Variants in DNAJC16 observed in about 807,000 individuals in gnomAD.
DNAJC16 encodes the protein DnaJ heat shock protein family (Hsp40) member C16, also known as dnaJ homolog subfamily C member 16.
Under a neutral mutation model 92.7 loss-of-function variants are expected in DNAJC16, and 76 were observed. That is an observed-to-expected ratio of 0.82 (90% CI 0.68 to 0.99). The LOEUF is 0.99. Among genes scored for constraint, DNAJC16 ranks in the 50% least tolerant of loss-of-function variants. The pLI, the probability that DNAJC16 is intolerant of heterozygous loss-of-function variation, is 0.00. For missense variants in DNAJC16, 869 were observed against 942.4 expected (o/e 0.92, Z 1.02); for synonymous variants, 328 against 358.7 (o/e 0.91, Z 0.97).
intron 8 of DNAJC16, 74 bp from the exon 9 acceptor site, chr1:15,562,067 AC>A: frequency 2.0e-6 from 3 of 1,466,140 alleles, no homozygotes; most frequent in Non-Finnish European, 2.8e-6. Flanking sequence ...CGTCTTCTTC[AC>A]CTTCACTTGC....
At chr1:15,562,394 T>C (rs754789801) in intron 9 of DNAJC16, 69 bp downstream of exon 9, 116 of 1,454,752 alleles carry the variant, frequency 8.0e-5, no homozygotes, top group Non-Finnish European at 8.7e-5. Context: ...TGTTTCCTTC[T>C]TCCTTGAGAG....
chr1:15,539,898 C>T (rs1470562819), intron 4 of DNAJC16, among the ~76,000 whole-genome samples: 5 of 151,606 alleles, frequency 3.3e-5, no homozygotes, highest in African/African-American at 1.2e-4. Flanking sequence ...CGTGGTGGTG[C>T]GTGCCTGTAA....
At chr1:15,535,275 G>A (rs561829711) in intron 3 of DNAJC16, among the ~76,000 whole-genome samples, 3 of 152,188 alleles carry the variant, frequency 2.0e-5, no homozygotes, top group African/African-American at 4.8e-5. Context: ...TTGAGCCCTG[G>A]TGATCAACAT....
intron 6 of DNAJC16, 36 bp from the exon 7 acceptor site, chr1:15,548,234 A>G (rs778813226): frequency 3.6e-5 from 57 of 1,604,030 alleles, no homozygotes; most frequent in Non-Finnish European, 4.4e-5. Context: ...TCTTTGCTGT[A>G]GTTTTATTTT....
intron 7 of DNAJC16, among the ~76,000 whole-genome samples, chr1:15,552,228 C>T (rs1352892491): frequency 2.6e-5 from 4 of 151,488 alleles, no homozygotes; most frequent in African/African-American, 9.7e-5. Flanking sequence ...TGACTCAAGC[C>T]TGTAATCCCA....
In DNAJC16 at chr1:15,567,964, G is replaced by A; in HGVS notation, c.2136G>A (p.Lys712=). 6.2e-7 allele frequency: 1 copy of A among 1,614,186 alleles called. No homozygotes were observed. The highest frequency in any genetic ancestry group is 8.5e-7 in the Non-Finnish European group (1 of 1,180,038). Residue 712 remains lysine, a synonymous_variant, in exon 15 of 15, where the codon AAG becomes AAA. Transcript: ENST00000375847. The part of the protein sequence containing the change: ...NGHKKYFCLF[K]PQKTVEEEEA... The stretch of plus-strand genomic sequence containing the variant: ...ACAAGAAATACTTCTGCCTCTTCAA[G>A]CCCCAAAAGACAGTCGAAGAGGAGG...
chr1:15,563,683 A>T lies in DNAJC16; in HGVS notation c.1339-246A>T, dbSNP rs1455402605. ...TCTACTAAAAAAAAAAAAAAAAAAA[A>T]AAAAAAATACCAAAAATTAGCCAGG... On this transcript the variant is annotated intron_variant, in intron 9 of 14. Transcript: ENST00000375847. 1.4e-3 allele frequency among the ~76,000 whole-genome samples: 205 copies of T among 149,052 alleles called. 6 individuals are homozygous for T. The highest frequency in any genetic ancestry group is 5.1e-3 in the African/African-American group (202 of 39,988).
intron 2 of DNAJC16, among the ~76,000 whole-genome samples, chr1:15,532,140 C>G (rs1008179010): frequency 3.9e-5 from 6 of 152,160 alleles, no homozygotes; most frequent in African/African-American, 1.4e-4. Flanking sequence ...TCCTCCCACC[C>G]AAAGAATGGC....
chr1:15,536,868 C>A, intron 4 of DNAJC16, 54 bp downstream of exon 4: 2 of 1,397,514 alleles, frequency 1.4e-6, no homozygotes, highest in South Asian at 1.4e-5. Context: ...TTTTTTTTTT[C>A]AAGATGGAGT....
chr1:15,530,809 T>C (rs993666703), intron 2 of DNAJC16, among the ~76,000 whole-genome samples: 2 of 152,216 alleles, frequency 1.3e-5, no homozygotes, highest in Non-Finnish European at 2.9e-5. Context: ...TGACTCAGCC[T>C]CCCAAGTAGC....
intron 4 of DNAJC16, among the ~76,000 whole-genome samples, chr1:15,538,623 A>G (rs1349578461): frequency 6.6e-6 from 1 of 152,198 alleles, no homozygotes; most frequent in Non-Finnish European, 1.5e-5. Flanking sequence ...AGGCTGAGGC[A>G]GGAGAATCAC....
chr1:15,550,476 T>C (rs1313827537), intron 7 of DNAJC16, among the ~76,000 whole-genome samples: 2 of 152,208 alleles, frequency 1.3e-5, no homozygotes. Flanking sequence ...TCTAGGTAAT[T>C]TGTTGTCATT....
chr1:15,562,058 GTCT>G (rs1197501146), intron 8 of DNAJC16, 81 bp from the exon 9 acceptor site: 7 of 1,397,204 alleles, frequency 5.0e-6, no homozygotes, highest in Non-Finnish European at 6.8e-6. Flanking sequence ...TGAGCTCCTC[GTCT>G]TCTTCACCTT....
In DNAJC16 at chr1:15,570,170, T is replaced by C. The variant is rs1638917411; in HGVS notation, c.*1993T>C. 1.3e-5 allele frequency: 2 copies of C among 152,450 alleles called. No homozygotes were observed. 9.4% of individuals were successfully genotyped at this position (152,450 alleles called of 1,614,324 possible). ...CACTTCCTCTGAATGCTGTATCTCA[T>C]GGCACCTGGTCCAACTAGAAATGGT... is the stretch of plus-strand genomic sequence containing the variant. On this transcript the variant is annotated 3_prime_UTR_variant, in exon 15 of 15. Transcript: ENST00000375847.
intron 4 of DNAJC16, among the ~76,000 whole-genome samples, chr1:15,538,556 A>G (rs1009887074): frequency 1.3e-5 from 2 of 151,960 alleles, no homozygotes; most frequent in Admixed American, 1.3e-4. Context: ...TGTCTCTAGT[A>G]AAAATACAAA....
chr1:15,567,996 T>C lies in DNAJC16; in HGVS notation c.2168T>C (p.Ile723Thr), dbSNP rs754484749. The change falls in exon 15 of 15, where the codon ATA (isoleucine) becomes ACA (threonine). Residue 723 changes from isoleucine to threonine, a missense_variant. Physicochemically the swap from Ile to Thr is moderately conservative, Grantham distance 89. Coordinates refer to ENST00000375847, the MANE Select transcript of DNAJC16 (RefSeq NM_015291.4). ...PQKTVEEEEAIGSCSDVDSSL... is the reference protein window; with the variant it reads ...PQKTVEEEEATGSCSDVDSSL... ...AAGACAGTCGAAGAGGAGGAAGCCA[T>C]AGGGTCGTGCAGTGATGTTGACTCT... 1.2e-6 allele frequency: 2 copies of C among 1,614,178 alleles called. No homozygotes were observed. The highest frequency in any genetic ancestry group is 2.2e-5 in the South Asian group (2 of 91,084).
chr1:15,526,856 C>G lies in DNAJC16; in HGVS notation c.-121C>G, dbSNP rs778845866. On this transcript the variant is annotated 5_prime_UTR_variant, in exon 1 of 15. Coordinates refer to ENST00000375847, the MANE Select transcript of DNAJC16 (RefSeq NM_015291.4). ...CTCGGGCTTGTCCCCTCCTCTTTCCCCTCCCCAGGCCCAGGCGAGCGCTGG... is the reference window on the plus strand; with the variant it reads ...CTCGGGCTTGTCCCCTCCTCTTTCCGCTCCCCAGGCCCAGGCGAGCGCTGG... The G allele has an allele frequency of 3.9e-5, 6 of 152,484 alleles. No homozygotes were observed. Among genetic ancestry groups the G allele is most frequent in the Admixed American group, 6.5e-5 (1 of 15,290 alleles). The allele number at this position is 152,484 out of a possible 1,614,324, so 9.4% of individuals were successfully genotyped here.
intron 2 of DNAJC16, among the ~76,000 whole-genome samples, chr1:15,533,576 C>T (rs1710710016): frequency 6.6e-6 from 1 of 151,822 alleles, no homozygotes; most frequent in African/African-American, 2.4e-5. Context: ...TGCAGTGCGC[C>T]AAGATTGTAC....
intron 2 of DNAJC16, among the ~76,000 whole-genome samples, chr1:15,531,171 C>A (rs1056561592): frequency 6.6e-6 from 1 of 152,074 alleles, no homozygotes; most frequent in Non-Finnish European, 1.5e-5. Flanking sequence ...GAGCTGAATG[C>A]GAGTAGGAAG....
Sources: allele counts gnomAD v4.1 joint callset (sites outside exome capture counted in the v4.1 genomes callset), GRCh38; gene constraint gnomAD v4.1.1; transcripts MANE v1.5; gene names NCBI Gene and HGNC (gene_info 2026-07-23, HGNC 2026-07-21).